The following MAGI1 variants were observed in gnomAD, a reference collection of about 807,000 sequenced individuals.
MAGI1 encodes membrane associated guanylate kinase, WW and PDZ domain containing 1.
Under a neutral mutation model 139.9 loss-of-function variants are expected in MAGI1, and 58 were observed. The ratio of observed to expected loss-of-function variants is 0.41; its 90% CI spans 0.34 to 0.52. The LOEUF (loss-of-function observed/expected upper bound fraction) is 0.52. MAGI1 is among the 20% of genes least tolerant of loss of function. MAGI1 has a pLI of 0.12. For synonymous variants in MAGI1, 812 were observed against 737.9 expected, an observed-to-expected ratio of 1.10 and a Z score of -1.63; for missense variants, 1,874 against 1,901.6, an observed-to-expected ratio of 0.99 and a Z score of 0.27.
At chr3:65,423,473 G>A (rs1946786030) in intron 12 of MAGI1, among the ~76,000 whole-genome samples, 1 of 152,150 alleles carries the variant, frequency 6.6e-6, no homozygotes, top group Non-Finnish European at 1.5e-5. Context: ...GATCAATGAC[G>A]ATTTAATGAA....
chr3:65,444,402 C>T (rs1054750896), intron 7 of MAGI1, among the ~76,000 whole-genome samples: 7 of 151,998 alleles, frequency 4.6e-5, no homozygotes, highest in Admixed American at 6.6e-5. Flanking sequence ...AATTGGTGCA[C>T]AGTCATACAT....
chr3:65,360,674 A>G (rs1940751932), intron 22 of MAGI1: 1 of 987,072 alleles, frequency 1.0e-6, no homozygotes, highest in Non-Finnish European at 1.2e-6. Context: ...ATTTGGGGTA[A>G]GACACCAGTT....
intron 2 of MAGI1, among the ~76,000 whole-genome samples, chr3:65,618,880 C>T (rs534613032): frequency 1.3e-5 from 2 of 152,270 alleles, no homozygotes; most frequent in East Asian, 3.9e-4. Context: ...GCAGAGTAGC[C>T]CTCAGACTTC....
intron 1 of MAGI1, among the ~76,000 whole-genome samples, chr3:65,898,434 G>T (rs955433948): frequency 7.9e-5 from 12 of 152,084 alleles, no homozygotes; most frequent in African/African-American, 2.7e-4. Flanking sequence ...ATGCACACAG[G>T]CTTGTTCATT....
chr3:65,368,343 T>C (rs1004183119), intron 18 of MAGI1, among the ~76,000 whole-genome samples: 3 of 152,212 alleles, frequency 2.0e-5, no homozygotes, highest in Admixed American at 2.0e-4. Context: ...TGTTTATACC[T>C]ACTTTAGCTC....
intron 1 of MAGI1, among the ~76,000 whole-genome samples, chr3:65,806,449 C>T (rs557559334): frequency 3.9e-4 from 59 of 152,184 alleles, no homozygotes; most frequent in African/African-American, 1.4e-3. Context: ...ATGTAGCCAA[C>T]TGTTTGAACT....
At chr3:65,637,631 G>A (rs568667879) in intron 1 of MAGI1, among the ~76,000 whole-genome samples, 30 of 151,006 alleles carry the variant, frequency 2.0e-4, no homozygotes, top group African/African-American at 7.1e-4. Context: ...TTGCAAAAGG[G>A]CTTATATTGG....
chr3:65,772,828 T>C (rs569056920), intron 1 of MAGI1, among the ~76,000 whole-genome samples: 1 of 152,220 alleles, frequency 6.6e-6, no homozygotes, highest in South Asian at 2.1e-4. Flanking sequence ...TGAGAATTTC[T>C]TGCATTTACA....
chr3:65,818,532 G>C (rs2041751198), intron 1 of MAGI1, among the ~76,000 whole-genome samples: 1 of 152,202 alleles, frequency 6.6e-6, no homozygotes, highest in Admixed American at 6.5e-5. Flanking sequence ...AGCCACAGAA[G>C]ATGCAGAGGG....
At chr3:65,607,916 T>G (rs1041665327) in intron 2 of MAGI1, among the ~76,000 whole-genome samples, 5 of 152,196 alleles carry the variant, frequency 3.3e-5, no homozygotes, top group African/African-American at 9.7e-5. Flanking sequence ...TCAGAATAAC[T>G]TAATGAACTG....
chr3:65,951,964 A>G (rs549676871), intron 1 of MAGI1, among the ~76,000 whole-genome samples: 1 of 152,228 alleles, frequency 6.6e-6, no homozygotes, highest in Non-Finnish European at 1.5e-5. Flanking sequence ...CTGTAGTGAT[A>G]AGAGTAAATG....
intron 1 of MAGI1, among the ~76,000 whole-genome samples, chr3:65,888,193 C>T (rs899094416): frequency 6.6e-6 from 1 of 152,144 alleles, no homozygotes; most frequent in Non-Finnish European, 1.5e-5. Flanking sequence ...CCCTGAACTT[C>T]AAACATTCCT....
At chr3:66,031,209 A>G (rs1237326499) in intron 1 of MAGI1, among the ~76,000 whole-genome samples, 1 of 152,194 alleles carries the variant, frequency 6.6e-6, no homozygotes, top group Non-Finnish European at 1.5e-5. Flanking sequence ...GACAGCCTTT[A>G]TTCTCAGTGT....
At chr3:65,699,030 G>A (rs1295097236) in intron 1 of MAGI1, among the ~76,000 whole-genome samples, 1 of 128,670 alleles carries the variant, frequency 7.8e-6, no homozygotes. Flanking sequence ...AAATTTACAA[G>A]AAAAAAACAA....
chr3:65,420,484 T>G (rs1401059967), intron 12 of MAGI1, among the ~76,000 whole-genome samples: 1 of 151,954 alleles, frequency 6.6e-6, no homozygotes, highest in Non-Finnish European at 1.5e-5. Flanking sequence ...TTGTTTATTT[T>G]TGCCCTTTCT....
intron 18 of MAGI1, among the ~76,000 whole-genome samples, chr3:65,368,984 C>T (rs1157945445): frequency 2.6e-5 from 4 of 152,198 alleles, no homozygotes; most frequent in Admixed American, 1.3e-4. Flanking sequence ...GGGGCATCTC[C>T]ATACAATGCA....
chr3:65,978,627 T>TTC (rs1275365963), intron 1 of MAGI1, among the ~76,000 whole-genome samples: 3 of 149,762 alleles, frequency 2.0e-5, no homozygotes, highest in African/African-American at 7.4e-5. Flanking sequence ...ATTTCTTTTT[T>TTC]TTTTTTTTTT....
intron 1 of MAGI1, among the ~76,000 whole-genome samples, chr3:65,634,782 A>G (rs2084509149): frequency 6.6e-6 from 1 of 152,204 alleles, no homozygotes; most frequent in Non-Finnish European, 1.5e-5. Context: ...AATGTTGACT[A>G]TGAACTCAAA....
chr3:65,468,579 G>C (rs1361037253), intron 5 of MAGI1, among the ~76,000 whole-genome samples: 1 of 151,768 alleles, frequency 6.6e-6, no homozygotes, highest in South Asian at 2.1e-4. Flanking sequence ...GTTTCGCCAT[G>C]TTGGCCAGGC....
Sources: allele counts gnomAD v4.1 joint callset (sites outside exome capture counted in the v4.1 genomes callset), GRCh38; gene constraint gnomAD v4.1.1; transcripts MANE v1.5; gene names NCBI Gene and HGNC (gene_info 2026-07-23, HGNC 2026-07-21).